MAGI1: variants seen among roughly 807,000 people sequenced by gnomAD.
The protein encoded by MAGI1 is membrane associated guanylate kinase, WW and PDZ domain containing 1.
A neutral mutation model predicts 139.9 loss-of-function variants in MAGI1; 58 were observed. That is an observed-to-expected ratio of 0.41 (90% CI 0.34 to 0.52). The LOEUF is 0.52. MAGI1 is among the 20% of genes least tolerant of loss of function. MAGI1 has a pLI of 0.12. For synonymous variants in MAGI1, 812 were observed against 737.9 expected (o/e 1.10, Z -1.63); for missense variants, 1,874 against 1,901.6 (o/e 0.99, Z 0.27).
chr3:65,536,555 T>C (rs1387393815), intron 2 of MAGI1, among the ~76,000 whole-genome samples: 1 of 152,138 alleles, frequency 6.6e-6, no homozygotes, highest in Non-Finnish European at 1.5e-5. Flanking sequence ...ATATTAGAAA[T>C]GCACTGTTTC....
intron 1 of MAGI1, among the ~76,000 whole-genome samples, chr3:65,978,878 C>G (rs908201014): frequency 2.0e-5 from 3 of 152,038 alleles, no homozygotes; most frequent in African/African-American, 7.2e-5. Context: ...CTGCCCTCCT[C>G]AGCCTACCAA....
At chr3:65,507,426 G>A (rs1484734944) in intron 2 of MAGI1, among the ~76,000 whole-genome samples, 6 of 152,174 alleles carry the variant, frequency 3.9e-5, no homozygotes, top group Non-Finnish European at 8.8e-5. Flanking sequence ...ATTGTATGAG[G>A]ATTACATGAG....
chr3:65,634,497 GCC>G (rs957671053), intron 1 of MAGI1, among the ~76,000 whole-genome samples: 18 of 152,170 alleles, frequency 1.2e-4, no homozygotes, highest in Non-Finnish European at 2.9e-5. Flanking sequence ...TCAGATCGAG[GCC>G]CCAAATTCAC....
At chr3:65,626,672 T>C (rs144994510) in intron 1 of MAGI1, among the ~76,000 whole-genome samples, 94 of 152,300 alleles carry the variant, frequency 6.2e-4, no homozygotes, top group African/African-American at 2.1e-3. Flanking sequence ...TAAGCTTATA[T>C]TCAAACTAGC....
intron 1 of MAGI1, chr3:65,907,601 G>A (rs1215656897): frequency 6.6e-6 from 1 of 152,198 alleles, no homozygotes; most frequent in Non-Finnish European, 1.5e-5. Context: ...ACTGCCTTCT[G>A]GAAATGACCA....
chr3:65,878,752 T>A (rs112131957), intron 1 of MAGI1, among the ~76,000 whole-genome samples: 1 of 152,194 alleles, frequency 6.6e-6, no homozygotes, highest in Non-Finnish European at 1.5e-5. Flanking sequence ...TGCTGTCTGC[T>A]GGTTACAAAT....
At chr3:65,600,263 A>G (rs1193770272) in intron 2 of MAGI1, among the ~76,000 whole-genome samples, 18 of 152,232 alleles carry the variant, frequency 1.2e-4, no homozygotes, top group Admixed American at 1.2e-3. Flanking sequence ...TTTATGAGAG[A>G]AAGAAGGGAA....
chr3:65,575,369 T>C (rs1273671436), intron 2 of MAGI1, among the ~76,000 whole-genome samples: 1 of 152,062 alleles, frequency 6.6e-6, no homozygotes, highest in Non-Finnish European at 1.5e-5. Flanking sequence ...TTAAAAAGAC[T>C]GACCAAAGCA....
At chr3:65,958,913 G>A (rs114923934) in intron 1 of MAGI1, among the ~76,000 whole-genome samples, 2,056 of 151,984 alleles carry the variant, frequency 0.014, 52 homozygotes, top group African/African-American at 0.047. Context: ...TTTGAACCCC[G>A]AAGGCAGAGG....
At chr3:65,577,950 T>A (rs541637779) in intron 2 of MAGI1, among the ~76,000 whole-genome samples, 50 of 151,858 alleles carry the variant, frequency 3.3e-4, no homozygotes, top group East Asian at 2.3e-3. Flanking sequence ...TTTCTCTCTC[T>A]CACACACTCT....
chr3:65,763,131 C>T (rs2037171997), intron 1 of MAGI1, among the ~76,000 whole-genome samples: 1 of 152,168 alleles, frequency 6.6e-6, no homozygotes, highest in Non-Finnish European at 1.5e-5. Context: ...TGCAAGTATC[C>T]TCCCTATACT....
At chr3:65,578,945 G>C (rs866602773) in intron 2 of MAGI1, among the ~76,000 whole-genome samples, 3,687 of 142,698 alleles carry the variant, frequency 0.026, 72 homozygotes, top group Admixed American at 0.049. Flanking sequence ...GAGAGAGAGA[G>C]ACAGAGAGAG....
At chr3:65,476,441 T>A (rs1036963139) in intron 4 of MAGI1, among the ~76,000 whole-genome samples, 1 of 152,174 alleles carries the variant, frequency 6.6e-6, no homozygotes, top group Non-Finnish European at 1.5e-5. Context: ...CAAGTTGTTC[T>A]AAGATGCCAG....
At chr3:65,419,231 C>CACACAT (rs1553641822) in intron 12 of MAGI1, among the ~76,000 whole-genome samples, 4 of 150,886 alleles carry the variant, frequency 2.7e-5, no homozygotes, top group South Asian at 4.2e-4. Flanking sequence ...TACACACACA[C>CACACAT]ACACACACAC....
At chr3:65,546,974 T>C (rs2079535151) in intron 2 of MAGI1, among the ~76,000 whole-genome samples, 1 of 152,216 alleles carries the variant, frequency 6.6e-6, no homozygotes. Flanking sequence ...TGCATACATG[T>C]GAGGATGCAT....
rs1576155338 is a variant in MAGI1 at position 65,937,291 on chromosome 3, C to A, written c.313+100705G>T. 2.0e-5 allele frequency among the ~76,000 whole-genome samples: 3 copies of A among 152,162 alleles called. No individual in the cohort carries two copies. The South Asian group carries it at 6.2e-4, about 32-fold the overall frequency. On this transcript the variant is annotated intron_variant, in intron 1 of 22. Coordinates refer to ENST00000402939, the MANE Select transcript of MAGI1 (RefSeq NM_001033057.2). ...CCTATTTGCAGACCTCAGCCAGCCC[C>A]ACCCTGACACTTCTCCCTTGCCCTT...
chr3:65,664,221 T>G (rs1213352696), intron 1 of MAGI1, among the ~76,000 whole-genome samples: 9 of 152,182 alleles, frequency 5.9e-5, no homozygotes, highest in Non-Finnish European at 1.5e-5. Context: ...AGTATGTATT[T>G]CATGAAAAAC....
At chr3:65,590,105 C>G (rs78724743) in intron 2 of MAGI1, among the ~76,000 whole-genome samples, 5 of 152,134 alleles carry the variant, frequency 3.3e-5, no homozygotes, top group African/African-American at 1.2e-4. Flanking sequence ...GCCTTTAAAA[C>G]GCATCACCAG....
chr3:65,960,819 T>A (rs749074011), intron 1 of MAGI1, among the ~76,000 whole-genome samples: 3 of 152,168 alleles, frequency 2.0e-5, no homozygotes, highest in Admixed American at 6.5e-5. Flanking sequence ...AACTTCACCA[T>A]CCTTGCTCCT....
Sources: allele counts gnomAD v4.1 joint callset (sites outside exome capture counted in the v4.1 genomes callset), GRCh38; gene constraint gnomAD v4.1.1; transcripts MANE v1.5; gene names NCBI Gene and HGNC (gene_info 2026-07-23, HGNC 2026-07-21).